CNTN5: variants seen among roughly 807,000 people sequenced by gnomAD.
The protein encoded by CNTN5 is contactin 5, also known as contactin-5.
CNTN5 carries 77 observed loss-of-function variants against 129.1 expected under a neutral mutation model. The observed-to-expected ratio is 0.60, with a 90% CI of 0.50 to 0.72. The LOEUF is 0.72. Ranked by LOEUF, CNTN5 falls within the 30% of genes least tolerant of loss-of-function variation. CNTN5 has a pLI of 0.00. For synonymous variants in CNTN5, 509 were observed against 465.6 expected (o/e 1.09, Z -1.20); for missense variants, 1,478 against 1,328.8 (o/e 1.11, Z -1.75).
chr11:99,842,525 A>G (rs1565594002), intron 4 of CNTN5, among the ~76,000 whole-genome samples: 1 of 152,216 alleles, frequency 6.6e-6, no homozygotes, highest in African/African-American at 2.4e-5. Context: ...AAAAAATACT[A>G]CTACTAGAAT....
At chr11:99,508,682 C>A (rs1303738453) in intron 2 of CNTN5, among the ~76,000 whole-genome samples, 1 of 139,400 alleles carries the variant, frequency 7.2e-6, no homozygotes, top group Non-Finnish European at 1.6e-5. Context: ...TTTTTCTTTT[C>A]TTTCTTTTTT....
At chr11:99,042,372 T>C (rs1864025200) in intron 1 of CNTN5, among the ~76,000 whole-genome samples, 1 of 128,730 alleles carries the variant, frequency 7.8e-6, no homozygotes, top group African/African-American at 3.0e-5. Flanking sequence ...CTTCTTTTTT[T>C]TTTTTTTTTT....
intron 17 of CNTN5, among the ~76,000 whole-genome samples, chr11:100,269,474 G>A (rs1044062999): frequency 6.6e-6 from 1 of 152,170 alleles, no homozygotes; most frequent in African/African-American, 2.4e-5. Context: ...ATGCTTGTAT[G>A]CTGATGGGAA....
intron 21 of CNTN5, among the ~76,000 whole-genome samples, chr11:100,318,022 A>C (rs1184253082): frequency 6.6e-6 from 1 of 152,102 alleles, no homozygotes; most frequent in Non-Finnish European, 1.5e-5. Flanking sequence ...TGGGCGGATC[A>C]TGAGGTCAGG....
intron 3 of CNTN5, among the ~76,000 whole-genome samples, chr11:99,737,826 T>C (rs891965842): frequency 5.3e-5 from 8 of 152,258 alleles, no homozygotes; most frequent in African/African-American, 7.2e-5. Context: ...TACAGTGTTT[T>C]ACCAATCAGA....
At chr11:100,133,615 C>T (rs1396676768) in intron 13 of CNTN5, among the ~76,000 whole-genome samples, 3 of 152,090 alleles carry the variant, frequency 2.0e-5, no homozygotes, top group African/African-American at 7.2e-5. Flanking sequence ...TCACCAAGAA[C>T]CATGTAAAGT....
At chr11:99,943,124 A>G (rs1277822396) in intron 7 of CNTN5, among the ~76,000 whole-genome samples, 1 of 152,142 alleles carries the variant, frequency 6.6e-6, no homozygotes. Flanking sequence ...GTCTTCCACA[A>G]TGGTTGAACT....
At chr11:100,336,982 C>A in intron 21 of CNTN5, 1 of 759,402 alleles carries the variant, frequency 1.3e-6, no homozygotes. Flanking sequence ...AGAGCCAGAG[C>A]ACAGCACATT....
At chr11:100,350,582 T>A in intron 23 of CNTN5, 120 bp from the exon 24 acceptor site, 2 of 644,556 alleles carry the variant, frequency 3.1e-6, no homozygotes, top group Non-Finnish European at 5.1e-6. Context: ...TACATTTGCT[T>A]ATGTATCTGT....
intron 6 of CNTN5, 89 bp from the exon 7 acceptor site, chr11:99,915,965 T>C (rs1271136067): frequency 1.0e-6 from 1 of 992,752 alleles, no homozygotes; most frequent in Non-Finnish European, 1.5e-6. Flanking sequence ...CTTGTGAAGA[T>C]AACGATAGAA....
At chr11:99,886,598 T>C (rs1001842732) in intron 6 of CNTN5, among the ~76,000 whole-genome samples, 2 of 152,180 alleles carry the variant, frequency 1.3e-5, no homozygotes, top group African/African-American at 4.8e-5. Context: ...GGGAAAACCA[T>C]ATACCATGAG....
intron 1 of CNTN5, among the ~76,000 whole-genome samples, chr11:99,270,015 T>C (rs1863100713): frequency 6.6e-6 from 1 of 151,786 alleles, no homozygotes; most frequent in Non-Finnish European, 1.5e-5. Flanking sequence ...ACATAAAACT[T>C]GTTAGGATTG....
intron 1 of CNTN5, among the ~76,000 whole-genome samples, chr11:99,201,469 GT>G (rs1242642863): frequency 9.4e-6 from 1 of 105,826 alleles, no homozygotes; most frequent in Non-Finnish European, 2.1e-5. Context: ...TTTCTTTTCT[GT>G]TCTTTCTTCT....
intron 2 of CNTN5, among the ~76,000 whole-genome samples, chr11:99,353,200 A>T (rs190188726): frequency 1.2e-3 from 185 of 152,312 alleles, no homozygotes; most frequent in African/African-American, 4.3e-3. Context: ...ACTCAATAAT[A>T]TGAGGAAAAG....
chr11:100,202,423 T>C (rs993317268), intron 15 of CNTN5, among the ~76,000 whole-genome samples: 6 of 151,866 alleles, frequency 4.0e-5, no homozygotes, highest in African/African-American at 1.4e-4. Flanking sequence ...ATATTATGAT[T>C]ATGTGGTTAC....
intron 18 of CNTN5, among the ~76,000 whole-genome samples, chr11:100,291,279 A>C (rs1203107119): frequency 2.0e-5 from 3 of 151,950 alleles, no homozygotes; most frequent in Non-Finnish European, 4.4e-5. Flanking sequence ...ATGGACTATA[A>C]ATCATGCTGC....
At chr11:99,251,143 C>T (rs1429883824) in intron 1 of CNTN5, among the ~76,000 whole-genome samples, 3 of 151,968 alleles carry the variant, frequency 2.0e-5, no homozygotes, top group African/African-American at 7.2e-5. Flanking sequence ...TTCTTCAAAG[C>T]TCTGCATATT....
intron 20 of CNTN5, among the ~76,000 whole-genome samples, chr11:100,300,296 C>T (rs1951190047): frequency 6.6e-6 from 1 of 151,414 alleles, no homozygotes; most frequent in African/African-American, 2.4e-5. Flanking sequence ...CTAAAGTTAG[C>T]TTTTCCTCTT....
At chr11:99,974,416 G>T (rs549540620) in intron 8 of CNTN5, among the ~76,000 whole-genome samples, 4 of 152,100 alleles carry the variant, frequency 2.6e-5, no homozygotes, top group Non-Finnish European at 4.4e-5. Flanking sequence ...CCTCCCTTAG[G>T]ATATCAGTGC....
Sources: gnomAD v4.1 joint callset for allele counts (sites outside exome capture counted in the v4.1 genomes callset) on GRCh38, gnomAD v4.1.1 for gene constraint, MANE v1.5 for transcripts, NCBI Gene and HGNC (gene_info 2026-07-23, HGNC 2026-07-21) for gene names.